PPIE: variants seen among roughly 807,000 people sequenced by gnomAD.
The protein encoded by PPIE is peptidyl-prolyl cis-trans isomerase E.
In PPIE, 20 loss-of-function variants were observed where a neutral mutation model predicts 38.4. That is an observed-to-expected ratio of 0.52 (90% CI 0.37 to 0.76). PPIE has a LOEUF of 0.76. Among genes scored for constraint, PPIE ranks in the 30% least tolerant of loss-of-function variants. The probability of loss-of-function intolerance (pLI) is 0.00; values close to 1 mark genes in which losing one functional copy is unlikely to be tolerated. For synonymous variants in PPIE, 142 were observed against 135.7 expected, an observed-to-expected ratio of 1.05 and a Z score of -0.32; for missense variants, 322 against 385.8, an observed-to-expected ratio of 0.83 and a Z score of 1.39.
chr1:39,741,649 CCT>C (rs1647060507), intron 3 of PPIE: 3 of 624,252 alleles, frequency 4.8e-6, no homozygotes, highest in Non-Finnish European at 8.4e-6. Flanking sequence ...CTCATGCACC[CCT>C]GTTCATTGAG....
intron 7 of PPIE, chr1:39,746,795 CTT>C (rs1259534609): frequency 6.6e-6 from 1 of 152,212 alleles, no homozygotes; most frequent in Non-Finnish European, 1.5e-5. Flanking sequence ...TGTTTTCTAA[CTT>C]CAGAAATTTT....
At position 39,749,096 on chromosome 1, in the gene PPIE, C is replaced by A; in HGVS notation, c.694+8C>A. On this transcript the variant is annotated splice_region_variant and intron_variant, in intron 8 of 9. Transcript: ENST00000324379. Reference sequence around the variant, plus strand: ...TCAAGCATACGGGACCAGGTAGGAGCCAGTTGGCATGTGGTGACGAGGGAG... The same window carrying A: ...TCAAGCATACGGGACCAGGTAGGAGACAGTTGGCATGTGGTGACGAGGGAG... 1 of 1,579,280 alleles carries A rather than the reference C, an allele frequency of 6.3e-7. No homozygotes were observed. Among genetic ancestry groups the A allele is most frequent in the South Asian group, 1.2e-5 (1 of 84,364 alleles).
At chr1:39,753,147 C>G in intron 9 of PPIE, 95 bp downstream of exon 9, 1 of 1,591,548 alleles carries the variant, frequency 6.3e-7, no homozygotes, top group Non-Finnish European at 8.6e-7. Flanking sequence ...AGAGAGATGG[C>G]CAGGGGCTGT....
intron 2 of PPIE, among the ~76,000 whole-genome samples, chr1:39,740,774 C>T (rs1027434293): frequency 6.6e-6 from 1 of 152,184 alleles, no homozygotes; most frequent in African/African-American, 2.4e-5. Context: ...TAGTTTTAGG[C>T]CTAGTTTTAT....
chr1:39,751,895 C>T (rs184574656), intron 8 of PPIE, among the ~76,000 whole-genome samples: 134 of 152,060 alleles, frequency 8.8e-4, no homozygotes, highest in Non-Finnish European at 1.2e-3. Flanking sequence ...TTCAGGAGTT[C>T]GAGACCAGCC....
rs1410951762 is a variant in PPIE at position 39,743,876 on chromosome 1, GAAT to G, written c.339_341del (p.Asn113del). On this transcript the variant is annotated inframe_deletion, in exon 6 of 10. Transcript: ENST00000324379. ...AGTTTTCTGGGAAGACGCTTGAAGAGAATAAAGAGGAAGAAGGGTCAGAGCCTC... is the reference window on the plus strand; with the variant it reads ...AGTTTTCTGGGAAGACGCTTGAAGAGAAAGAGGAAGAAGGGTCAGAGCCTC... 1 of 1,613,820 alleles carries G rather than the reference GAAT, an allele frequency of 6.2e-7. No individual in the cohort carries two copies. Among genetic ancestry groups the G allele is most frequent in the African/African-American group, 1.3e-5 (1 of 74,918 alleles).
Position 39,753,663 on chromosome 1 carries a change from T to TA in PPIE, c.*309dup, listed in dbSNP as rs890496324. The TA allele has an allele frequency of 4.2e-6, 5 of 1,189,884 alleles. No individual in the cohort carries two copies. The highest frequency in any genetic ancestry group is 3.4e-4 in the Middle Eastern group (1 of 2,940). 73.7% of individuals were successfully genotyped at this position (1,189,884 alleles called of 1,614,324 possible). On this transcript the variant is annotated 3_prime_UTR_variant, in exon 10 of 10. Transcript: ENST00000324379. ...CTCCTGGGACTACCAGTGTGGCTCT[T>TA]ACGTGTTTTCTTTGCTAAAATAAAC... is the stretch of plus-strand genomic sequence containing the variant.
At chr1:39,738,988 G>A in intron 1 of PPIE, 57 bp downstream of exon 1, 1 of 1,387,454 alleles carries the variant, frequency 7.2e-7, no homozygotes, top group Non-Finnish European at 9.4e-7. Flanking sequence ...CAAGGGTCGG[G>A]GCGTGGGGTG....
chr1:39,760,668 A>G, downstream of PPIE: 1 of 1,413,378 alleles, frequency 7.1e-7, no homozygotes. Context: ...TGCCCTGGCC[A>G]TCTCCAGGCC....
In PPIE at chr1:39,753,462, G is replaced by A; in HGVS notation, c.*107G>A. On this transcript the variant is annotated 3_prime_UTR_variant, in exon 10 of 10. Transcript: ENST00000324379. The stretch of plus-strand genomic sequence containing the variant: ...CGAGGGTGCCTGTTTGAAGCAAGCA[G>A]CATTTGGGATATGTGCCCTTCCTCA... 3.3e-6 allele frequency: 5 copies of A among 1,528,824 alleles called. No homozygotes were observed. In the South Asian group the frequency reaches 6.4e-5, roughly 20 times the overall value. 94.7% of individuals were successfully genotyped at this position (1,528,824 alleles called of 1,614,324 possible).
Position 39,743,814 on chromosome 1 carries a change from T to C in PPIE, c.284-10T>C, listed in dbSNP as rs199756342. 1 of 1,605,784 alleles carries C rather than the reference T, an allele frequency of 6.2e-7. No homozygotes were observed. The highest frequency in any genetic ancestry group is 8.5e-7 in the Non-Finnish European group (1 of 1,173,016). On this transcript the variant is annotated splice_polypyrimidine_tract_variant and intron_variant, in intron 5 of 9. Coordinates refer to ENST00000324379, the MANE Select transcript of PPIE (RefSeq NM_006112.4). ...CTTGAATGAACATTTGTTTGATTCT[T>C]TCCTTTCAGTTTGGTCAGATGATGA...
At position 39,755,797 on chromosome 1, in the gene PPIE, G is replaced by C; in HGVS notation, c.*2442G>C. On this transcript the variant is annotated 3_prime_UTR_variant, in exon 10 of 10. Coordinates refer to ENST00000324379, the MANE Select transcript of PPIE (RefSeq NM_006112.4). ...CCAGTGTTCCTCCTGGGTGTTCACA[G>C]ATGTTATTGAATGCACACTGGAACC... 2 of 985,422 alleles carry C rather than the reference G, an allele frequency of 2.0e-6. No individual in the cohort carries two copies. The highest frequency in any genetic ancestry group is 2.4e-6 in the Non-Finnish European group (2 of 829,924). The allele number at this position is 985,422 out of a possible 1,614,324, so 61.0% of individuals were successfully genotyped here.
chr1:39,762,733 G>C, intron 9 of PPIE: 1 of 1,421,350 alleles, frequency 7.0e-7, no homozygotes, highest in Non-Finnish European at 9.3e-7. Context: ...TCGGCGGCCC[G>C]TGTGCTAAGA....
At chr1:39,740,787 T>G (rs973456146) in intron 2 of PPIE, among the ~76,000 whole-genome samples, 1 of 152,246 alleles carries the variant, frequency 6.6e-6, no homozygotes. Flanking sequence ...AGTTTTATCA[T>G]CAACCTTGCA....
chr1:39,756,299 A>G lies in PPIE; in HGVS notation c.*2944A>G, dbSNP rs893910104. 7.1e-6 allele frequency: 7 copies of G among 985,184 alleles called. No individual in the cohort carries two copies. The African/African-American group carries it at 1.2e-4, about 17-fold the overall frequency. The allele number at this position is 985,184 out of a possible 1,614,324, so 61.0% of individuals were successfully genotyped here. On this transcript the variant is annotated 3_prime_UTR_variant, in exon 10 of 10. Coordinates refer to ENST00000324379, the MANE Select transcript of PPIE (RefSeq NM_006112.4). ...CTGTCCCAACTGGCCTCCCCATTCCACATTCCCATTGCTGGACCAGCACCA... is the reference window on the plus strand; with the variant it reads ...CTGTCCCAACTGGCCTCCCCATTCCGCATTCCCATTGCTGGACCAGCACCA...
intron 4 of PPIE, chr1:39,742,981 T>C (rs1254464129): frequency 1.4e-5 from 6 of 438,534 alleles, no homozygotes; most frequent in Non-Finnish European, 2.5e-5. Flanking sequence ...TTTTGGAGTG[T>C]TCTGAACCCA....
At chr1:39,747,844 A>C (rs1425670964) in intron 7 of PPIE, 1 of 152,146 alleles carries the variant, frequency 6.6e-6, no homozygotes, top group African/African-American at 2.4e-5. Flanking sequence ...ATGATGTTGA[A>C]CATCTTTTCA....
chr1:39,756,143 A>G lies in PPIE; in HGVS notation c.*2788A>G. 1 of 985,372 alleles carries G rather than the reference A, an allele frequency of 1.0e-6. No individual in the cohort carries two copies. The highest frequency in any genetic ancestry group is 4.7e-5 in the South Asian group (1 of 21,288). 61.0% of individuals were successfully genotyped at this position (985,372 alleles called of 1,614,324 possible). A position where few individuals can be genotyped will look rare whatever the true frequency, so the allele number is the denominator to read the frequency against. ...GCCTGGCCACCTGCTTCGGCTACGC[A>G]CCATGCAGCAGCTGCACCTGGCTGC... On this transcript the variant is annotated 3_prime_UTR_variant, in exon 10 of 10. Transcript: ENST00000324379.
chr1:39,740,817 T>A (rs775469730), intron 2 of PPIE, among the ~76,000 whole-genome samples: 7 of 152,260 alleles, frequency 4.6e-5, no homozygotes, highest in Non-Finnish European at 1.0e-4. Flanking sequence ...TAGCAAAGTC[T>A]TTAAACTCTC....
Sources: allele counts gnomAD v4.1 joint callset (sites outside exome capture counted in the v4.1 genomes callset), GRCh38; gene constraint gnomAD v4.1.1; transcripts MANE v1.5; gene names NCBI Gene and HGNC (gene_info 2026-07-23, HGNC 2026-07-21).